Variants in EML6 observed in about 807,000 individuals in gnomAD.
The protein encoded by EML6 is EMAP like 6.
EML6 carries 154 observed loss-of-function variants against 240.1 expected under a neutral mutation model. The observed-to-expected ratio is 0.64, with a 90% CI of 0.56 to 0.73. The LOEUF is 0.73. EML6 is among the 30% of genes least tolerant of loss of function. EML6 has a pLI of 0.00. For synonymous variants in EML6, 1,148 were observed against 899.0 expected (o/e 1.28, Z -4.95); for missense variants, 2,964 against 2,474.6 (o/e 1.20, Z -4.20).
intron 2 of EML6, among the ~76,000 whole-genome samples, chr2:54,731,154 G>A (rs916215458): frequency 6.6e-6 from 1 of 152,112 alleles, no homozygotes; most frequent in Non-Finnish European, 1.5e-5. Context: ...GTGCCAGGGT[G>A]GGAAGAAACT....
At chr2:54,826,874 TA>T (rs536353436) in intron 5 of EML6, among the ~76,000 whole-genome samples, 485 of 152,288 alleles carry the variant, frequency 3.2e-3, no homozygotes, top group African/African-American at 0.011. Context: ...ATATGTACAC[TA>T]AAAATACCTA....
intron 29 of EML6, 49 bp from the exon 30 acceptor site, chr2:54,950,601 C>T: frequency 6.5e-7 from 1 of 1,546,482 alleles, no homozygotes; most frequent in Non-Finnish European, 8.7e-7. Flanking sequence ...TTCCTCGGCT[C>T]TCCCTTCCTT....
At chr2:54,867,043 T>G in intron 14 of EML6, 159 bp downstream of exon 14, 1 of 507,306 alleles carries the variant, frequency 2.0e-6, no homozygotes, top group Non-Finnish European at 3.6e-6. Context: ...GTTGCTATTT[T>G]AAGTGTGACT....
intron 26 of EML6, among the ~76,000 whole-genome samples, chr2:54,926,250 C>T (rs1008475118): frequency 3.3e-5 from 5 of 152,286 alleles, no homozygotes; most frequent in East Asian, 1.9e-4. Flanking sequence ...TACAGGCATC[C>T]ACCACCATGC....
Position 54,844,068 on chromosome 2 carries a change from G to T in EML6, c.869G>T (p.Cys290Phe). Reference sequence around the variant, plus strand: ...TCAGGCCTCTCTATCCGGAGCGTGTGCTGGAAAGCAGACCGCCTTCTAGCA... The same window carrying T: ...TCAGGCCTCTCTATCCGGAGCGTGTTCTGGAAAGCAGACCGCCTTCTAGCA... ...GYKGLSIRSV[C>F]WKADRLLAGT... Residue 290 changes from cysteine (C) to phenylalanine (F), a missense_variant, in exon 8 of 42, where the codon TGC becomes TTC. Coordinates refer to ENST00000356458, the MANE Select transcript of EML6 (RefSeq NM_001039753.4). The T allele has an allele frequency of 6.4e-7, 1 of 1,550,948 alleles. No individual in the cohort carries two copies. The highest frequency in any genetic ancestry group is 8.7e-7 in the Non-Finnish European group (1 of 1,146,700).
rs531918332 is a variant in EML6, at chr2:54,877,217, C to G, written c.2345-2330C>G. On this transcript the variant is annotated intron_variant, in intron 16 of 41. Transcript: ENST00000356458. ...CAGGCTGATCACCAACTCCTGGGCTCAAGGGATTCACCTGCCTCAGCCTCC... is the reference window on the plus strand; with the variant it reads ...CAGGCTGATCACCAACTCCTGGGCTGAAGGGATTCACCTGCCTCAGCCTCC... Among the ~76,000 whole-genome samples the G allele has an allele frequency of 3.3e-5, 5 of 152,232 alleles. No individual in the cohort carries two copies. The East Asian group carries it at 9.7e-4, about 29-fold the overall frequency.
At chr2:54,888,939 C>T (rs566784119) in intron 17 of EML6, among the ~76,000 whole-genome samples, 1 of 152,194 alleles carries the variant, frequency 6.6e-6, no homozygotes, top group Admixed American at 6.5e-5. Flanking sequence ...AATTGCCAAA[C>T]TGTCTTTCAA....
intron 28 of EML6, among the ~76,000 whole-genome samples, chr2:54,934,949 C>T (rs978369233): frequency 2.0e-5 from 3 of 152,154 alleles, no homozygotes; most frequent in Non-Finnish European, 4.4e-5. Context: ...TAAGTCAAAT[C>T]ACTTGTCACT....
chr2:54,928,330 C>G lies in EML6; in HGVS notation c.3693C>G (p.Phe1231Leu). 2.6e-6 allele frequency: 4 copies of G among 1,551,886 alleles called. No homozygotes were observed. Among genetic ancestry groups the G allele is most frequent in the South Asian group, 1.2e-5 (1 of 84,050 alleles). Residue 1231 changes from phenylalanine to leucine, a missense_variant, in exon 27 of 42, where the codon TTC (phenylalanine) becomes TTG (leucine). By Grantham distance (22) the Phe-to-Leu change is conservative (BLOSUM62 0). Transcript: ENST00000356458. The part of the protein sequence containing the change: ...SYPVKGQHAR[F>L]KKYVGHSAHV... Reference sequence around the variant, plus strand: ...CTTTACAGGGACAGCACGCAAGATTCAAGAAGTATGTGGGGCACAGTGCAC... The same window carrying G: ...CTTTACAGGGACAGCACGCAAGATTGAAGAAGTATGTGGGGCACAGTGCAC...
intron 32 of EML6, among the ~76,000 whole-genome samples, chr2:54,954,532 C>T (rs76918451): frequency 6.6e-6 from 1 of 152,262 alleles, no homozygotes; most frequent in Non-Finnish European, 1.5e-5. Context: ...GATCCTACTA[C>T]AGCCCTATCA....
rs70944194 is a variant in EML6, at chr2:54,905,321, G to GACACACACACACAC, written c.3409+1863_3409+1876dup. On this transcript the variant is annotated intron_variant, in intron 24 of 41. Transcript: ENST00000356458. ...GTCTGATTAACTTTATTTAGAATCC[G>GACACACACACACAC]ACACACACACACACACACACACACA... Among the ~76,000 whole-genome samples, 98 of 121,650 alleles carry GACACACACACACAC rather than the reference G, an allele frequency of 8.1e-4. 3 individuals are homozygous for GACACACACACACAC. Among genetic ancestry groups the GACACACACACACAC allele is most frequent in the African/African-American group, 2.9e-3 (91 of 31,670 alleles). The allele number at this position is 121,650 out of a possible 152,430, so 79.8% of individuals were successfully genotyped here. A position where few individuals can be genotyped will look rare whatever the true frequency, so the allele number is the denominator to read the frequency against.
chr2:54,759,817 G>A (rs942973926), intron 2 of EML6, among the ~76,000 whole-genome samples: 7 of 151,774 alleles, frequency 4.6e-5, no homozygotes, highest in Middle Eastern at 3.4e-3. Context: ...AGTGAAGTTC[G>A]AGGTTGGACA....
intron 2 of EML6, among the ~76,000 whole-genome samples, chr2:54,812,131 G>A (rs369517944): frequency 6.6e-6 from 1 of 152,076 alleles, no homozygotes; most frequent in Admixed American, 6.6e-5. Context: ...GCTCTGTACC[G>A]GGCACTCTGC....
Position 54,958,045 on chromosome 2 carries a change from G to A in EML6, c.4695+47G>A, listed in dbSNP as rs1676316007. The stretch of plus-strand genomic sequence containing the variant: ...CTGAGAAGGGGACCCAGACCCCCTG[G>A]GCATGGGCATGGGCATGGGCAGGAG... On this transcript the variant is annotated intron_variant, in intron 33 of 41. Transcript: ENST00000356458. 4.2e-6 allele frequency: 6 copies of A among 1,420,156 alleles called. No individual in the cohort carries two copies. The South Asian group carries it at 6.8e-5, about 16-fold the overall frequency. 88.0% of individuals were successfully genotyped at this position (1,420,156 alleles called of 1,614,324 possible).
intron 2 of EML6, among the ~76,000 whole-genome samples, chr2:54,794,032 C>A (rs779854624): frequency 5.3e-5 from 8 of 152,040 alleles, no homozygotes; most frequent in Non-Finnish European, 7.3e-5. Flanking sequence ...TGAAAACTGA[C>A]CCTTAATAAG....
At chr2:54,915,500 G>A (rs1462487596) in intron 25 of EML6, among the ~76,000 whole-genome samples, 1 of 152,090 alleles carries the variant, frequency 6.6e-6, no homozygotes, top group African/African-American at 2.4e-5. Context: ...TAAAACTGAG[G>A]TGATTTCTGG....
intron 2 of EML6, among the ~76,000 whole-genome samples, chr2:54,802,062 A>G (rs1247026866): frequency 6.6e-6 from 1 of 152,162 alleles, no homozygotes; most frequent in Non-Finnish European, 1.5e-5. Context: ...CTCATTCAAC[A>G]TGTATTTATA....
Position 54,968,193 on chromosome 2 carries a change from C to T in EML6, c.5663C>T (p.Ala1888Val). Reference protein sequence around the residue: ...RNADKADVNCACVTHAGLNIV... With the variant: ...RNADKADVNCVCVTHAGLNIV... ...GCAGACAAGGCTGATGTCAACTGCG[C>T]ATGTGTGACCCACGCTGGCCTGAAC... The change falls in exon 40 of 42, where the codon GCA (alanine) becomes GTA (valine). Residue 1888 changes from alanine to valine, a missense_variant. Ala to Val is a moderately conservative substitution (Grantham distance 64). Coordinates refer to ENST00000356458, the MANE Select transcript of EML6 (RefSeq NM_001039753.4). The T allele has an allele frequency of 1.3e-6, 2 of 1,551,718 alleles. No individual in the cohort carries two copies. Among genetic ancestry groups the T allele is most frequent in the South Asian group, 1.2e-5 (1 of 84,068 alleles).
intron 28 of EML6, among the ~76,000 whole-genome samples, chr2:54,937,082 C>T (rs964673333): frequency 1.3e-5 from 2 of 150,648 alleles, no homozygotes; most frequent in Admixed American, 6.6e-5. Flanking sequence ...GAGTTCGAGA[C>T]GTGCCTGACC....
Sources: allele counts gnomAD v4.1 joint callset (sites outside exome capture counted in the v4.1 genomes callset), GRCh38; gene constraint gnomAD v4.1.1; transcripts MANE v1.5; gene names NCBI Gene and HGNC (gene_info 2026-07-23, HGNC 2026-07-21).